DOCK2: variants seen among roughly 807,000 people sequenced by gnomAD.
The protein encoded by DOCK2 is dedicator of cytokinesis protein 2.
A neutral mutation model predicts 248.9 loss-of-function variants in DOCK2; 87 were observed. That is an observed-to-expected ratio of 0.35 (90% CI 0.29 to 0.42). The LOEUF (loss-of-function observed/expected upper bound fraction) is 0.42. Ranked by LOEUF, DOCK2 falls within the 10% of genes least tolerant of loss-of-function variation. The pLI is 1.00. For missense variants in DOCK2, 1,747 were observed against 2,300.2 expected, an observed-to-expected ratio of 0.76 and a Z score of 4.92; for synonymous variants, 805 against 821.6, an observed-to-expected ratio of 0.98 and a Z score of 0.35.
chr5:169,802,192 C>T (rs1767040649), intron 25 of DOCK2, among the ~76,000 whole-genome samples: 1 of 152,172 alleles, frequency 6.6e-6, no homozygotes, highest in Admixed American at 6.5e-5. Flanking sequence ...GATGCAGTCT[C>T]ACTCTGTTAC....
chr5:169,966,197 G>C (rs898864174), intron 27 of DOCK2, among the ~76,000 whole-genome samples: 1 of 152,054 alleles, frequency 6.6e-6, no homozygotes, highest in African/African-American at 2.4e-5. Flanking sequence ...GTGCAGTAAG[G>C]ATTTATTGTT....
At chr5:169,696,391 C>G (rs1760627709) in intron 10 of DOCK2, among the ~76,000 whole-genome samples, 2 of 152,200 alleles carry the variant, frequency 1.3e-5, no homozygotes, top group South Asian at 4.1e-4. Flanking sequence ...AGGCAGAGCC[C>G]TGCATGAGGC....
chr5:169,727,870 A>T (rs994942021), intron 22 of DOCK2, among the ~76,000 whole-genome samples: 8 of 152,324 alleles, frequency 5.3e-5, no homozygotes, highest in African/African-American at 1.9e-4. Context: ...CAGGGGATTA[A>T]CATGATTAGA....
chr5:170,075,952 C>T lies in DOCK2; in HGVS notation c.4734C>T (p.Pro1578=), dbSNP rs1158804095. The change falls in exon 47 of 52, where the codon CCC becomes CCT. Residue 1578 remains proline (P), a synonymous_variant. Coordinates refer to ENST00000520908, the MANE Select transcript of DOCK2 (RefSeq NM_004946.3). ...CTTTACCACTTTCTCTCCAGATCCC[C>T]TTCTTGGGAGCTGGGATTAAGATCC... is the stretch of plus-strand genomic sequence containing the variant. ...HLKDLIAWQI[P]FLGAGIKIHE... is the part of the protein sequence containing the mutation. The T allele has an allele frequency of 2.5e-6, 4 of 1,613,992 alleles. No individual in the cohort carries two copies. The highest frequency in any genetic ancestry group is 1.7e-6 in the Non-Finnish European group (2 of 1,180,010).
At chr5:169,940,880 A>G (rs1046839572) in intron 27 of DOCK2, among the ~76,000 whole-genome samples, 2 of 152,164 alleles carry the variant, frequency 1.3e-5, no homozygotes, top group African/African-American at 2.4e-5. Flanking sequence ...GGGACCCCAG[A>G]TCTAGTGGGT....
chr5:169,903,530 G>A (rs1269875781), intron 27 of DOCK2, among the ~76,000 whole-genome samples: 2 of 151,408 alleles, frequency 1.3e-5, no homozygotes, highest in South Asian at 2.1e-4. Flanking sequence ...AGCGGGGGCC[G>A]GGGGGCAGGG....
chr5:170,014,331 A>T (rs1342952812), intron 32 of DOCK2, among the ~76,000 whole-genome samples: 1 of 152,240 alleles, frequency 6.6e-6, no homozygotes, highest in Non-Finnish European at 1.5e-5. Context: ...GAAATAGGAT[A>T]CAAGCCTTCT....
chr5:170,022,137 A>G lies in DOCK2; in HGVS notation c.3381+3029A>G, dbSNP rs947270094. 1.6e-4 allele frequency among the ~76,000 whole-genome samples: 25 copies of G among 152,184 alleles called. 1 individual carries two copies. Among genetic ancestry groups the G allele is most frequent in the African/African-American group, 6.0e-4 (25 of 41,444 alleles). On this transcript the variant is annotated intron_variant, in intron 33 of 51. Coordinates refer to ENST00000520908, the MANE Select transcript of DOCK2 (RefSeq NM_004946.3). The stretch of plus-strand genomic sequence containing the variant: ...AGTTCTCTAGCTCTTATGCCTTTGT[A>G]TGGGCTCTTCCTTTTATATCTTTGC...
At chr5:169,967,049 T>A (rs1421481794) in intron 27 of DOCK2, among the ~76,000 whole-genome samples, 1 of 152,258 alleles carries the variant, frequency 6.6e-6, no homozygotes, top group East Asian at 1.9e-4. Context: ...GTACCTCCTA[T>A]GTGCCAGGCA....
intron 27 of DOCK2, among the ~76,000 whole-genome samples, chr5:169,971,051 G>A (rs1777485968): frequency 6.6e-6 from 1 of 152,140 alleles, no homozygotes; most frequent in Non-Finnish European, 1.5e-5. Flanking sequence ...TAATGATGAC[G>A]GGGAGAGGGA....
chr5:169,752,935 G>T (rs1435112931), intron 23 of DOCK2, among the ~76,000 whole-genome samples: 1 of 151,958 alleles, frequency 6.6e-6, no homozygotes, highest in African/African-American at 2.4e-5. Context: ...CGTGGTGGCG[G>T]GTGCCTGTAA....
At position 170,079,361 on chromosome 5, in the gene DOCK2, G is replaced by A. The variant is rs1247655800; in HGVS notation, c.5166+215G>A. ...CTGGGACATGACAGAGCTGGGAGTT[G>A]AGCCCTGACCTTTGCACTTCAGAGC... On this transcript the variant is annotated intron_variant, in intron 49 of 51. Coordinates refer to ENST00000520908, the MANE Select transcript of DOCK2 (RefSeq NM_004946.3). 8.8e-6 allele frequency: 5 copies of A among 566,378 alleles called. No individual in the cohort carries two copies. The African/African-American group carries it at 9.4e-5, about 11-fold the overall frequency. 35.1% of individuals were successfully genotyped at this position (566,378 alleles called of 1,614,324 possible).
At chr5:169,864,339 G>T (rs565097258) in intron 27 of DOCK2, 2 of 1,551,574 alleles carry the variant, frequency 1.3e-6, no homozygotes, top group South Asian at 1.2e-5. Context: ...GCTTTTCCGG[G>T]GCTGGGGGTT....
intron 34 of DOCK2, among the ~76,000 whole-genome samples, chr5:170,031,334 G>A (rs1020748031): frequency 2.6e-5 from 4 of 152,168 alleles, no homozygotes; most frequent in Non-Finnish European, 5.9e-5. Flanking sequence ...CTGACAGAGA[G>A]GGGGAGTCTG....
chr5:170,053,369 T>C (rs779279945), intron 41 of DOCK2, among the ~76,000 whole-genome samples: 1 of 152,272 alleles, frequency 6.6e-6, no homozygotes, highest in Middle Eastern at 3.2e-3. Flanking sequence ...TCCGCTGTTG[T>C]AGTGGGAGAG....
intron 30 of DOCK2, among the ~76,000 whole-genome samples, chr5:170,006,488 T>G (rs372179822): frequency 3.9e-5 from 6 of 152,104 alleles, no homozygotes; most frequent in African/African-American, 1.4e-4. Context: ...AATTTTTGTA[T>G]TTTTAGTAGA....
chr5:169,996,876 G>A (rs143699948), intron 30 of DOCK2, among the ~76,000 whole-genome samples: 1,702 of 152,278 alleles, frequency 0.011, 30 homozygotes, highest in African/African-American at 0.037. Flanking sequence ...TTTCCTTGCT[G>A]TAGGGGTGGG....
chr5:169,988,935 A>G (rs752600800), intron 29 of DOCK2, among the ~76,000 whole-genome samples: 2 of 152,202 alleles, frequency 1.3e-5, no homozygotes, highest in African/African-American at 4.8e-5. Flanking sequence ...CTTTTCTCCA[A>G]AAAGGTGCAA....
chr5:169,748,483 TGAAGCAAAGTTTGA>T lies in DOCK2; in HGVS notation c.2376+983_2376+996del, dbSNP rs1381079390. Among the ~76,000 whole-genome samples, 3 of 152,224 alleles carry T rather than the reference TGAAGCAAAGTTTGA, an allele frequency of 2.0e-5. No homozygotes were observed. The East Asian group carries it at 5.8e-4, about 29-fold the overall frequency. ...AAAAATTCCCCAGGTGATTTTACTGTGAAGCAAAGTTTGAGAACCACTCTGCTGATGGCTTCCTT... is the reference window on the plus strand; with the variant it reads ...AAAAATTCCCCAGGTGATTTTACTGTGAACCACTCTGCTGATGGCTTCCTT... On this transcript the variant is annotated intron_variant, in intron 23 of 51. Transcript: ENST00000520908.
Sources: allele counts gnomAD v4.1 joint callset (sites outside exome capture counted in the v4.1 genomes callset), GRCh38; gene constraint gnomAD v4.1.1; transcripts MANE v1.5; gene names NCBI Gene and HGNC (gene_info 2026-07-23, HGNC 2026-07-21).